Variants in PHF2 observed in about 807,000 individuals in gnomAD.
PHF2 encodes the protein PHD finger protein 2.
In PHF2, 27 loss-of-function variants were observed where a neutral mutation model predicts 120.5. The ratio of observed to expected loss-of-function variants is 0.22; its 90% CI spans 0.17 to 0.31. The LOEUF (loss-of-function observed/expected upper bound fraction) is 0.31, where lower values mean the gene tolerates loss of function less well. Ranked by LOEUF, PHF2 falls within the 10% of genes least tolerant of loss-of-function variation. The pLI is 1.00. For missense variants in PHF2, 1,024 were observed against 1,434.8 expected (o/e 0.71, Z 4.63); for synonymous variants, 568 against 592.5 (o/e 0.96, Z 0.60).
intron 2 of PHF2, among the ~76,000 whole-genome samples, chr9:93,635,166 G>A (rs1826069626): frequency 6.6e-6 from 1 of 152,132 alleles, no homozygotes; most frequent in African/African-American, 2.4e-5. Flanking sequence ...TTGAATTGTG[G>A]GCAGGGAGAT....
At chr9:93,617,289 A>G (rs1309824286) in intron 1 of PHF2, among the ~76,000 whole-genome samples, 1 of 152,220 alleles carries the variant, frequency 6.6e-6, no homozygotes, top group Non-Finnish European at 1.5e-5. Context: ...AAGCACTGGC[A>G]TGCTTGGGGT....
intron 1 of PHF2, 102 bp downstream of exon 1, chr9:93,576,973 G>A (rs866532591): frequency 4.7e-5 from 17 of 363,936 alleles, no homozygotes; most frequent in African/African-American, 3.8e-4. Flanking sequence ...CCGGCTCGGG[G>A]ACGGGCCGCC....
intron 4 of PHF2, among the ~76,000 whole-genome samples, chr9:93,647,499 A>G (rs1826282342): frequency 6.6e-6 from 1 of 152,148 alleles, no homozygotes; most frequent in Non-Finnish European, 1.5e-5. Flanking sequence ...AATTAGAGAA[A>G]CAGTAAGCCC....
At position 93,665,950 on chromosome 9, in the gene PHF2, G is replaced by T. The variant is rs367933512; in HGVS notation, c.2117-40G>T. ...GTCTTCCCAGGGTGGCTGGCTCCCC[G>T]CAAGGCCTCCCGCTGGACTGCCATC... On this transcript the variant is annotated intron_variant, in intron 15 of 21. Transcript: ENST00000359246. 6 of 1,612,008 alleles carry T rather than the reference G, an allele frequency of 3.7e-6. No homozygotes were observed. In the Admixed American group the frequency reaches 6.7e-5, roughly 18 times the overall value.
In PHF2 at chr9:93,677,942, C is replaced by G. The variant is rs553500701; in HGVS notation, c.*266C>G. ...CCTGCAAGTTTGAGGACCGCTTATT[C>G]CACTTTAAGGACAGCCTTCAGGCCC... On this transcript the variant is annotated 3_prime_UTR_variant, in exon 22 of 22. Transcript: ENST00000359246. The surrounding 1 kb of genome is among the most constrained non-coding windows in gnomAD (Gnocchi z 4.4). 8.7e-6 allele frequency: 4 copies of G among 457,160 alleles called. No homozygotes were observed. The highest frequency in any genetic ancestry group is 1.2e-5 in the Non-Finnish European group (3 of 255,840). 28.3% of individuals were successfully genotyped at this position (457,160 alleles called of 1,614,324 possible). A position where few individuals can be genotyped will look rare whatever the true frequency, so the allele number is the denominator to read the frequency against.
intron 1 of PHF2, among the ~76,000 whole-genome samples, chr9:93,604,351 T>G (rs909704140): frequency 6.6e-6 from 1 of 151,274 alleles, no homozygotes; most frequent in Non-Finnish European, 1.5e-5. Flanking sequence ...TTTTTTTTTT[T>G]TGAGACGGAG....
At chr9:93,596,121 G>A (rs1825325675) in intron 1 of PHF2, among the ~76,000 whole-genome samples, 1 of 152,180 alleles carries the variant, frequency 6.6e-6, no homozygotes, top group Admixed American at 6.5e-5. Context: ...AGTGGCATAT[G>A]AGGCAGGCCG....
intron 1 of PHF2, among the ~76,000 whole-genome samples, chr9:93,586,565 T>C (rs971409074): frequency 6.6e-6 from 1 of 152,258 alleles, no homozygotes; most frequent in Admixed American, 6.5e-5. Flanking sequence ...GGGAACAGTC[T>C]GTGAGGCTTT....
intron 4 of PHF2, among the ~76,000 whole-genome samples, chr9:93,646,765 C>T (rs1826268200): frequency 6.6e-6 from 1 of 152,214 alleles, no homozygotes; most frequent in Non-Finnish European, 1.5e-5. Context: ...CACCCTGGGG[C>T]TACCGAGACT....
rs1323572600 is a variant in PHF2, at chr9:93,671,726, G to A, written c.2349-1859G>A. 2.8e-5 allele frequency among the ~76,000 whole-genome samples: 4 copies of A among 141,142 alleles called. No individual in the cohort carries two copies. In the East Asian group the frequency reaches 8.9e-4, roughly 31 times the overall value. 92.6% of individuals were successfully genotyped at this position (141,142 alleles called of 152,430 possible). A position where few individuals can be genotyped will look rare whatever the true frequency, so the allele number is the denominator to read the frequency against. On this transcript the variant is annotated intron_variant, in intron 17 of 21. Coordinates refer to ENST00000359246, the MANE Select transcript of PHF2 (RefSeq NM_005392.4). ...TGTAGGTACAGGTGTAGATGCAGGT[G>A]TGGGTGTGGATGTAGGTACAGGTGT...
intron 1 of PHF2, among the ~76,000 whole-genome samples, chr9:93,580,950 G>A (rs1404965475): frequency 6.6e-6 from 1 of 152,148 alleles, no homozygotes; most frequent in Non-Finnish European, 1.5e-5. Flanking sequence ...GAAGGTTAGG[G>A]GCAGGGAGCC....
chr9:93,603,805 C>T (rs1825489221), intron 1 of PHF2, among the ~76,000 whole-genome samples: 2 of 152,198 alleles, frequency 1.3e-5, no homozygotes, highest in East Asian at 1.9e-4. Flanking sequence ...GCCCCAGCAT[C>T]GCCTCCTCCC....
At position 93,674,955 on chromosome 9, in the gene PHF2, C is replaced by T; in HGVS notation, c.2655C>T (p.Asp885=). 6.2e-7 allele frequency: 1 copy of T among 1,613,882 alleles called. No individual in the cohort carries two copies. The highest frequency in any genetic ancestry group is 8.5e-7 in the Non-Finnish European group (1 of 1,179,898). Residue 885 remains aspartate, a synonymous_variant, in exon 19 of 22, where the codon GAC becomes GAT. Transcript: ENST00000359246. ...ACCCCTCACTGGAGTCAGATGAAGA[C>T]AACCCCATCTTTAAGTCCCGGTCGA... is the stretch of plus-strand genomic sequence containing the variant. ...YVYPSLESDE[D]NPIFKSRSKK... is the part of the protein sequence containing the mutation.
At chr9:93,658,663 G>A (rs566102894) in intron 10 of PHF2, among the ~76,000 whole-genome samples, 47 of 152,218 alleles carry the variant, frequency 3.1e-4, no homozygotes, top group African/African-American at 1.0e-3. Flanking sequence ...GAAGGACTGG[G>A]GGAGTGGCTG....
At chr9:93,636,381 G>T (rs775803292) in intron 2 of PHF2, 30 bp from the exon 3 acceptor site, 1 of 1,557,282 alleles carries the variant, frequency 6.4e-7, no homozygotes, top group South Asian at 1.2e-5. Flanking sequence ...TGCGCTGTGT[G>T]ACCGACCTTG....
chr9:93,592,240 G>A (rs1306072911), intron 1 of PHF2, among the ~76,000 whole-genome samples: 1 of 152,104 alleles, frequency 6.6e-6, no homozygotes, highest in Admixed American at 6.5e-5. Flanking sequence ...AAACTCCTGG[G>A]GGATCCCTGG....
chr9:93,666,107 G>A lies in PHF2; in HGVS notation c.2187+47G>A, dbSNP rs750731121. On this transcript the variant is annotated intron_variant, in intron 16 of 21. Coordinates refer to ENST00000359246, the MANE Select transcript of PHF2 (RefSeq NM_005392.4). ...CCTCAGTCTCGGGGGGCATCTCTGG[G>A]CAGTCCCCAAGGCCATGGTTTGAGT... 5 of 1,589,696 alleles carry A rather than the reference G, an allele frequency of 3.1e-6. No individual in the cohort carries two copies. The Admixed American group carries it at 6.7e-5, about 21-fold the overall frequency.
chr9:93,636,278 T>G, intron 2 of PHF2, 133 bp from the exon 3 acceptor site: 3 of 671,640 alleles, frequency 4.5e-6, no homozygotes, highest in Non-Finnish European at 7.8e-6. Flanking sequence ...TCATCAGTCT[T>G]GAGAGGTGAG....
At chr9:93,671,088 G>A (rs1367098639) in intron 17 of PHF2, 2 of 973,818 alleles carry the variant, frequency 2.1e-6, no homozygotes, top group East Asian at 2.3e-4. Context: ...GTGGGGGTAG[G>A]TGCAGGTGTA....
Sources: gnomAD v4.1 joint callset for allele counts (sites outside exome capture counted in the v4.1 genomes callset) on GRCh38, gnomAD v4.1.1 for gene constraint, Gnocchi (gnomAD v3.1) non-coding constraint, MANE v1.5 for transcripts, NCBI Gene and HGNC (gene_info 2026-07-23, HGNC 2026-07-21) for gene names.